GRM5: variants seen among roughly 807,000 people sequenced by gnomAD.
The protein encoded by GRM5 is metabotropic glutamate receptor 5.
A neutral mutation model predicts 83.1 loss-of-function variants in GRM5; 19 were observed. That is an observed-to-expected ratio of 0.23 (90% CI 0.16 to 0.34). GRM5 has a LOEUF of 0.34. GRM5 is among the 10% of genes least tolerant of loss of function. The pLI is 1.00. For synonymous variants in GRM5, 675 were observed against 633.6 expected (o/e 1.07, Z -0.98); for missense variants, 1,160 against 1,588.3 (o/e 0.73, Z 4.58).
At chr11:88,529,212 A>G (rs1280094009) in intron 8 of GRM5, among the ~76,000 whole-genome samples, 1 of 152,066 alleles carries the variant, frequency 6.6e-6, no homozygotes. Flanking sequence ...CACTGTGATA[A>G]GGAGCATATG....
At chr11:88,667,563 A>T (rs979343680) in intron 3 of GRM5, among the ~76,000 whole-genome samples, 4 of 152,146 alleles carry the variant, frequency 2.6e-5, no homozygotes, top group Non-Finnish European at 5.9e-5. Flanking sequence ...AGAAAAATAA[A>T]AATTTATGGA....
intron 3 of GRM5, among the ~76,000 whole-genome samples, chr11:88,733,841 T>G (rs1165707815): frequency 1.3e-5 from 2 of 152,002 alleles, no homozygotes; most frequent in Non-Finnish European, 2.9e-5. Flanking sequence ...GCAGTTGGCA[T>G]TCATGAAAAC....
At chr11:88,577,307 A>C (rs1239184821) in intron 7 of GRM5, among the ~76,000 whole-genome samples, 1 of 152,132 alleles carries the variant, frequency 6.6e-6, no homozygotes, top group Non-Finnish European at 1.5e-5. Context: ...TTAACTATTC[A>C]AATGCTCATG....
chr11:88,526,447 T>C (rs1181783117), intron 8 of GRM5, among the ~76,000 whole-genome samples: 1 of 152,214 alleles, frequency 6.6e-6, no homozygotes, highest in Non-Finnish European at 1.5e-5. Context: ...GCCTCATCAG[T>C]AGAGAATAAC....
chr11:88,764,392 C>A (rs1055219897), intron 3 of GRM5, among the ~76,000 whole-genome samples: 1 of 151,576 alleles, frequency 6.6e-6, no homozygotes, highest in African/African-American at 2.4e-5. Context: ...CCAAACAACA[C>A]AACATAGACA....
chr11:88,796,996 C>A (rs1188872901), intron 3 of GRM5, among the ~76,000 whole-genome samples: 2 of 150,936 alleles, frequency 1.3e-5, no homozygotes, highest in African/African-American at 4.9e-5. Context: ...TTTCTTAGTA[C>A]AGAGTGGACA....
intron 3 of GRM5, among the ~76,000 whole-genome samples, chr11:88,794,662 A>C (rs1464091298): frequency 6.6e-6 from 1 of 152,182 alleles, no homozygotes; most frequent in Non-Finnish European, 1.5e-5. Flanking sequence ...TGGAACTTGA[A>C]AATAAAGTAT....
intron 2 of GRM5, among the ~76,000 whole-genome samples, chr11:88,928,206 G>A (rs1375573891): frequency 6.6e-6 from 1 of 152,008 alleles, no homozygotes; most frequent in Non-Finnish European, 1.5e-5. Context: ...GGAAAAGTAC[G>A]TAAGACCAAC....
chr11:88,562,836 A>G (rs16914251), intron 8 of GRM5, among the ~76,000 whole-genome samples: 8,192 of 152,194 alleles, frequency 0.054, 696 homozygotes, highest in African/African-American at 0.18. Flanking sequence ...CTTATATTAG[A>G]CAGTTTGGGC....
chr11:88,772,275 T>C (rs997104916), intron 3 of GRM5, among the ~76,000 whole-genome samples: 7 of 152,128 alleles, frequency 4.6e-5, no homozygotes, highest in African/African-American at 1.2e-4. Flanking sequence ...AAATGTGGGT[T>C]CACTCCTCTG....
chr11:88,632,620 C>G (rs75231056), intron 4 of GRM5, among the ~76,000 whole-genome samples: 1 of 152,092 alleles, frequency 6.6e-6, no homozygotes, highest in Non-Finnish European at 1.5e-5. Context: ...ATTCTTTCAC[C>G]TGTTGGTGAA....
At chr11:88,903,323 T>C (rs1945347821) in intron 2 of GRM5, among the ~76,000 whole-genome samples, 2 of 152,208 alleles carry the variant, frequency 1.3e-5, no homozygotes, top group South Asian at 4.1e-4. Flanking sequence ...ACAACTGCTA[T>C]GGAAAACAGT....
At chr11:88,981,630 C>G (rs1406057705) in intron 2 of GRM5, among the ~76,000 whole-genome samples, 1 of 151,246 alleles carries the variant, frequency 6.6e-6, no homozygotes, top group Non-Finnish European at 1.5e-5. Flanking sequence ...CTCTACCCCC[C>G]ACCTTGCCAT....
At chr11:88,647,143 T>A (rs1423243410) in intron 4 of GRM5, among the ~76,000 whole-genome samples, 1 of 152,086 alleles carries the variant, frequency 6.6e-6, no homozygotes, top group African/African-American at 2.4e-5. Context: ...TCTGTCTGTA[T>A]GTCTCTTCCC....
chr11:88,517,318 A>G (rs963185952), intron 9 of GRM5, among the ~76,000 whole-genome samples: 3 of 152,168 alleles, frequency 2.0e-5, no homozygotes, highest in Non-Finnish European at 4.4e-5. Context: ...AGGTATAAAC[A>G]TCTTGGTAAA....
rs1942323123 is a variant in GRM5, at chr11:88,543,637, T to TTC, written c.2631-18234_2631-18233insGA. Among the ~76,000 whole-genome samples, 3 of 149,048 alleles carry TTC rather than the reference T, an allele frequency of 2.0e-5. No individual in the cohort carries two copies. The South Asian group carries it at 6.3e-4, about 31-fold the overall frequency. ...GACCCATACCATCATGTTATCCTTT[T>TTC]TTTTTTTTTTTTGAGGCCTTTCCTG... On this transcript the variant is annotated intron_variant, in intron 8 of 9. Coordinates refer to ENST00000305447, the MANE Select transcript of GRM5 (RefSeq NM_001143831.3).
At chr11:88,562,589 A>G (rs761872977) in intron 8 of GRM5, among the ~76,000 whole-genome samples, 4 of 152,030 alleles carry the variant, frequency 2.6e-5, no homozygotes, top group Non-Finnish European at 5.9e-5. Context: ...TCTGATTTGA[A>G]ACTTTTTTCC....
chr11:88,995,870 C>T (rs751164621), intron 2 of GRM5, among the ~76,000 whole-genome samples: 3 of 151,972 alleles, frequency 2.0e-5, no homozygotes, highest in Non-Finnish European at 4.4e-5. Context: ...TATTGGGGCT[C>T]TGGGCATGGA....
intron 7 of GRM5, among the ~76,000 whole-genome samples, chr11:88,575,068 T>G (rs1248898842): frequency 6.6e-6 from 1 of 151,218 alleles, no homozygotes; most frequent in Non-Finnish European, 1.5e-5. Flanking sequence ...TATTCTACAG[T>G]TGATTGATTT....
Sources: allele counts gnomAD v4.1 joint callset (sites outside exome capture counted in the v4.1 genomes callset), GRCh38; gene constraint gnomAD v4.1.1; transcripts MANE v1.5; gene names NCBI Gene and HGNC (gene_info 2026-07-23, HGNC 2026-07-21).